The following RMDN2 variants were observed in gnomAD, a reference collection of about 807,000 sequenced individuals.
The protein encoded by RMDN2 is regulator of microtubule dynamics protein 2.
In RMDN2, 61 loss-of-function variants were observed where a neutral mutation model predicts 52.8. The observed-to-expected ratio is 1.16, with a 90% CI of 0.94 to 1.43. The LOEUF is 1.43. Ranked by LOEUF, RMDN2 falls within the 40% of genes most tolerant of loss-of-function variation. The pLI is 0.00. For missense variants in RMDN2, 592 were observed against 475.3 expected, an observed-to-expected ratio of 1.25 and a Z score of -2.28; for synonymous variants, 180 against 153.1, an observed-to-expected ratio of 1.18 and a Z score of -1.30.
At chr2:37,930,111 TGCCCAATGTGGTA>T (rs1224734192) in intron 2 of RMDN2, among the ~76,000 whole-genome samples, 1 of 152,256 alleles carries the variant, frequency 6.6e-6, no homozygotes, top group African/African-American at 2.4e-5. Context: ...AAGTCTGTGC[TGCCCAATGTGGTA>T]GCCACTAGCC....
chr2:37,959,557 A>G (rs1197329295), intron 2 of RMDN2, among the ~76,000 whole-genome samples: 2 of 150,098 alleles, frequency 1.3e-5, no homozygotes, highest in Non-Finnish European at 1.5e-5. Flanking sequence ...TTCTTTATTA[A>G]TCTGGCTAGC....
chr2:37,982,751 A>G (rs1673489831), intron 5 of RMDN2, among the ~76,000 whole-genome samples: 1 of 152,178 alleles, frequency 6.6e-6, no homozygotes, highest in Admixed American at 6.5e-5. Context: ...CAGACTTAAG[A>G]TCATTTCCCT....
intron 8 of RMDN2, among the ~76,000 whole-genome samples, chr2:38,000,417 T>C (rs1676156488): frequency 6.6e-6 from 1 of 152,218 alleles, no homozygotes; most frequent in Non-Finnish European, 1.5e-5. Context: ...CTTATATACC[T>C]ATGTAACCAC....
intron 10 of RMDN2, among the ~76,000 whole-genome samples, chr2:38,052,231 T>C (rs1681648579): frequency 6.6e-6 from 1 of 152,220 alleles, no homozygotes; most frequent in African/African-American, 2.4e-5. Flanking sequence ...TAAGATGATA[T>C]CTCATGGTGG....
chr2:38,054,646 A>G (rs1681779034), intron 10 of RMDN2, among the ~76,000 whole-genome samples: 1 of 152,066 alleles, frequency 6.6e-6, no homozygotes, highest in Non-Finnish European at 1.5e-5. Context: ...CCAGGGTTCA[A>G]TTCTCTGTTT....
chr2:37,941,272 A>T (rs1002029784), intron 2 of RMDN2, among the ~76,000 whole-genome samples: 1 of 1,560 alleles, frequency 6.4e-4, no homozygotes, highest in African/African-American at 2.9e-3. Flanking sequence ...TGGAAGCTTC[A>T]TCCCAGAGGG....
At chr2:37,988,557 T>C (rs1674346235) in intron 5 of RMDN2, among the ~76,000 whole-genome samples, 1 of 152,232 alleles carries the variant, frequency 6.6e-6, no homozygotes, top group Non-Finnish European at 1.5e-5. Flanking sequence ...GGAATGGTCT[T>C]ACTGTTCCAA....
chr2:38,004,756 C>T (rs1676826908), intron 10 of RMDN2, among the ~76,000 whole-genome samples: 1 of 151,744 alleles, frequency 6.6e-6, no homozygotes, highest in Non-Finnish European at 1.5e-5. Context: ...AGGCTTGTTA[C>T]ATATGTATAT....
intron 4 of RMDN2, among the ~76,000 whole-genome samples, chr2:37,977,607 G>T (rs1438994584): frequency 2.0e-5 from 3 of 151,660 alleles, no homozygotes; most frequent in African/African-American, 4.9e-5. Context: ...TTCTCAGACC[G>T]GGCGGCCGCT....
At chr2:37,955,234 G>T (rs530529052) in intron 2 of RMDN2, among the ~76,000 whole-genome samples, 1 of 151,962 alleles carries the variant, frequency 6.6e-6, no homozygotes, top group Non-Finnish European at 1.5e-5. Context: ...GTACTATGTC[G>T]AACAGAAGTG....
At chr2:37,994,808 T>C (rs1675286003) in intron 7 of RMDN2, among the ~76,000 whole-genome samples, 1 of 152,196 alleles carries the variant, frequency 6.6e-6, no homozygotes, top group South Asian at 2.1e-4. Context: ...AATAAAAATA[T>C]ATGCTCACAC....
chr2:37,961,296 T>G (rs1239492640), intron 2 of RMDN2, among the ~76,000 whole-genome samples: 2 of 152,166 alleles, frequency 1.3e-5, no homozygotes, highest in East Asian at 1.9e-4. Flanking sequence ...CCAACTTGGT[T>G]CCATTCTCCC....
chr2:38,019,099 T>C (rs1208698204), downstream of RMDN2, among the ~76,000 whole-genome samples: 1 of 152,216 alleles, frequency 6.6e-6, no homozygotes, highest in East Asian at 1.9e-4. Context: ...GGTTCTCTCG[T>C]GGATATGCTG....
rs76413066 is a variant in RMDN2, at chr2:38,056,734, C to A, written c.1714-10248C>A. 4.3e-4 allele frequency among the ~76,000 whole-genome samples: 65 copies of A among 152,102 alleles called. No homozygotes were observed. In the East Asian group the frequency reaches 9.5e-3, roughly 22 times the overall value. On this transcript the variant is annotated intron_variant, in intron 10 of 10. Transcript: ENST00000234195. ...TAAGAATTGTGAAATTATGACATAC[C>A]CCTAAATGATATAAAATGATGGAGA... is the stretch of plus-strand genomic sequence containing the variant.
At chr2:37,992,558 T>A (rs1435488219) in intron 7 of RMDN2, among the ~76,000 whole-genome samples, 1 of 152,262 alleles carries the variant, frequency 6.6e-6, no homozygotes, top group Non-Finnish European at 1.5e-5. Context: ...TCCCAAGTTA[T>A]CTGAAATCTC....
In RMDN2 at chr2:37,951,304, G is replaced by A. The variant is rs780452809; in HGVS notation, c.452+21575G>A. 2.3e-5 allele frequency: 37 copies of A among 1,612,362 alleles called. No homozygotes were observed. Among genetic ancestry groups the A allele is most frequent in the Middle Eastern group, 1.6e-4 (1 of 6,072 alleles). On this transcript the variant is annotated intron_variant, in intron 2 of 10. Transcript: ENST00000354545. ...CAAGTTAGTACAGACGCCCAGCATCGTGGAGCCTCTTCTATTTCACAACCA... is the reference window on the plus strand; with the variant it reads ...CAAGTTAGTACAGACGCCCAGCATCATGGAGCCTCTTCTATTTCACAACCA...
chr2:37,933,183 G>T (rs1666980237), intron 2 of RMDN2, among the ~76,000 whole-genome samples: 3 of 152,046 alleles, frequency 2.0e-5, no homozygotes, highest in African/African-American at 7.2e-5. Context: ...GGGCGGCCGG[G>T]CAGAGATGCT....
intron 7 of RMDN2, among the ~76,000 whole-genome samples, chr2:37,994,930 T>G (rs568632575): frequency 7.9e-5 from 12 of 152,272 alleles, no homozygotes; most frequent in Admixed American, 3.9e-4. Context: ...TGCATTGATA[T>G]GAAACTCTAG....
At chr2:38,034,807 T>C (rs1573194345) in intron 10 of RMDN2, among the ~76,000 whole-genome samples, 1 of 115,726 alleles carries the variant, frequency 8.6e-6, no homozygotes, top group East Asian at 2.8e-4. Context: ...AGGGCAAGAA[T>C]GTTTTCTTGA....
Sources: allele counts gnomAD v4.1 joint callset (sites outside exome capture counted in the v4.1 genomes callset), GRCh38; gene constraint gnomAD v4.1.1; transcripts MANE v1.5; gene names NCBI Gene and HGNC (gene_info 2026-07-23, HGNC 2026-07-21).